The following GLI3 variants were observed in gnomAD, a reference collection of about 807,000 sequenced individuals.
GLI3 encodes GLI family zinc finger 3, also known as transcription activator GLI3.
Under a neutral mutation model 100.8 loss-of-function variants are expected in GLI3, and 20 were observed. The ratio of observed to expected loss-of-function variants is 0.20; its 90% CI spans 0.14 to 0.29. The LOEUF (loss-of-function observed/expected upper bound fraction) is 0.29. Ranked by LOEUF, GLI3 falls within the 10% of genes least tolerant of loss-of-function variation. GLI3 has a pLI of 1.00. For missense variants in GLI3, 2,040 were observed against 2,128.5 expected (o/e 0.96, Z 0.82); for synonymous variants, 938 against 860.5 (o/e 1.09, Z -1.58).
chr7:42,188,921 T>A (rs1787772421), intron 2 of GLI3, among the ~76,000 whole-genome samples: 1 of 152,136 alleles, frequency 6.6e-6, no homozygotes, highest in Admixed American at 6.5e-5. Context: ...CAGATACACA[T>A]CACTATCCAT....
chr7:42,220,200 G>C (rs1340257247), intron 2 of GLI3, among the ~76,000 whole-genome samples: 1 of 152,144 alleles, frequency 6.6e-6, no homozygotes, highest in East Asian at 1.9e-4. Context: ...ATATAGTTCA[G>C]GGCTTTGTTA....
At chr7:42,222,219 C>T (rs1037199928) in intron 2 of GLI3, among the ~76,000 whole-genome samples, 5 of 152,208 alleles carry the variant, frequency 3.3e-5, no homozygotes, top group Non-Finnish European at 5.9e-5. Context: ...TAAAACCTGT[C>T]TTGGAATATA....
chr7:42,213,535 C>T (rs1221122645), intron 2 of GLI3, among the ~76,000 whole-genome samples: 5 of 152,064 alleles, frequency 3.3e-5, no homozygotes, highest in Non-Finnish European at 5.9e-5. Flanking sequence ...GTCATATCAT[C>T]GACACTGTTA....
chr7:42,073,340 A>G (rs1784819390), intron 4 of GLI3, among the ~76,000 whole-genome samples: 1 of 152,166 alleles, frequency 6.6e-6, no homozygotes, highest in Non-Finnish European at 1.5e-5. Flanking sequence ...ACACAAACTG[A>G]CGTATTTCCG....
Position 42,086,841 on chromosome 7 carries a change from C to A in GLI3, c.368-9984G>T, listed in dbSNP as rs748926678. Reference sequence around the variant, plus strand: ...TCCTCCCCACTGCCTTGCCCTCTGACGGCCCTGTGCTCATCCTCAGTGCGC... The same window carrying A: ...TCCTCCCCACTGCCTTGCCCTCTGAAGGCCCTGTGCTCATCCTCAGTGCGC... On this transcript the variant is annotated intron_variant, in intron 3 of 14. Transcript: ENST00000395925. 3.3e-5 allele frequency among the ~76,000 whole-genome samples: 5 copies of A among 152,160 alleles called. 1 individual carries two copies. Among genetic ancestry groups the A allele is most frequent in the African/African-American group, 4.8e-5 (2 of 41,426 alleles).
chr7:42,246,825 T>C (rs1357239407), intron 1 of GLI3, among the ~76,000 whole-genome samples: 1 of 95,064 alleles, frequency 1.1e-5, no homozygotes, highest in African/African-American at 3.3e-5. Flanking sequence ...TTTTTTTTTT[T>C]TTTTTTTTTG....
chr7:42,150,362 A>G (rs995642241), intron 2 of GLI3, among the ~76,000 whole-genome samples: 1 of 152,200 alleles, frequency 6.6e-6, no homozygotes, highest in African/African-American at 2.4e-5. Context: ...CTTGTACTTC[A>G]TTAGCAGAAA....
In GLI3 at chr7:42,148,274, T is replaced by C. The variant is rs774858780; in HGVS notation, c.319A>G (p.Thr107Ala). 3 of 1,612,620 alleles carry C rather than the reference T, an allele frequency of 1.9e-6. No homozygotes were observed. In the Admixed American group the frequency reaches 5.0e-5, roughly 27 times the overall value. Reference protein sequence around the residue: ...VAEPSVPYRGTVFAMDPRNGY... With the variant: ...VAEPSVPYRGAVFAMDPRNGY... ...TTCCTGGGGTCCATGGCAAACACCG[T>C]CCCGCGGTACGGCACAGAGGGCTCC... is the stretch of plus-strand genomic sequence containing the variant. The change falls in exon 3 of 15, where the codon ACG (threonine) becomes GCG (alanine). Residue 107 changes from threonine to alanine, a missense_variant. By Grantham distance (58) the Thr-to-Ala change is moderately conservative (BLOSUM62 0). Coordinates refer to ENST00000395925, the MANE Select transcript of GLI3 (RefSeq NM_000168.6).
At chr7:42,230,101 G>T (rs58946834) in intron 1 of GLI3, among the ~76,000 whole-genome samples, 7 of 41,582 alleles carry the variant, frequency 1.7e-4, no homozygotes, top group Non-Finnish European at 3.9e-4. Context: ...GGTTGGGCGG[G>T]GGGGGGGGGG....
chr7:41,965,242 T>A lies in GLI3; in HGVS notation c.3831A>T (p.Gln1277His). ...TGGGGGTGCTCTTCAGCTTTGAGGC[T>A]TGAATCCCGGCACCACAGGCACCGT... is the stretch of plus-strand genomic sequence containing the variant. ...ALDGACGAGIQASKLKSTPMQ... is the reference protein window; with the variant it reads ...ALDGACGAGIHASKLKSTPMQ... Residue 1277 changes from glutamine to histidine, a missense_variant, in exon 15 of 15, where the codon CAA becomes CAT. Around this residue, in one of 5 missense-constraint regions of GLI3, gnomAD observed 1,041 missense variants for 924.0 expected, o/e 1.13. Transcript: ENST00000395925. 6.2e-7 allele frequency: 1 copy of A among 1,613,814 alleles called. No individual in the cohort carries two copies. The highest frequency in any genetic ancestry group is 8.5e-7 in the Non-Finnish European group (1 of 1,179,876).
rs776625548 is a variant in GLI3 at position 42,045,375 on chromosome 7, G to C, written c.826+9C>G. 2 of 1,612,912 alleles carry C rather than the reference G, an allele frequency of 1.2e-6. No homozygotes were observed. The highest frequency in any genetic ancestry group is 8.5e-7 in the Non-Finnish European group (1 of 1,178,940). ...TCCCAAGACTCTAGAAACCAGCCCCGTCACTTACTATCCATAGCATGAAGA... is the reference window on the plus strand; with the variant it reads ...TCCCAAGACTCTAGAAACCAGCCCCCTCACTTACTATCCATAGCATGAAGA... On this transcript the variant is annotated intron_variant, in intron 6 of 14. Transcript: ENST00000395925.
intron 4 of GLI3, among the ~76,000 whole-genome samples, chr7:42,058,391 A>C (rs1784504158): frequency 6.6e-6 from 1 of 152,206 alleles, no homozygotes; most frequent in South Asian, 2.1e-4. Context: ...CTTTCTCTGT[A>C]TTATTCATCA....
intron 10 of GLI3, among the ~76,000 whole-genome samples, chr7:42,004,925 A>G (rs1409679963): frequency 1.3e-5 from 2 of 152,218 alleles, no homozygotes; most frequent in Non-Finnish European, 2.9e-5. Flanking sequence ...TTTAAAAATT[A>G]TATCTGAAAG....
At chr7:41,968,705 GAAAGAAAGAAGA>G (rs1410051549) in intron 13 of GLI3, among the ~76,000 whole-genome samples, 1 of 106,298 alleles carries the variant, frequency 9.4e-6, no homozygotes, top group South Asian at 3.1e-4. Context: ...AAGAAAGAAA[GAAAGAAAGAAGA>G]AAGAAAGAAA....
intron 2 of GLI3, among the ~76,000 whole-genome samples, chr7:42,201,305 T>C (rs937145997): frequency 2.0e-5 from 3 of 152,114 alleles, no homozygotes; most frequent in Admixed American, 6.5e-5. Context: ...ACCTCAGAAA[T>C]AGAAACCTTG....
intron 2 of GLI3, among the ~76,000 whole-genome samples, chr7:42,222,504 T>A (rs528161168): frequency 6.6e-6 from 1 of 152,216 alleles, no homozygotes; most frequent in Non-Finnish European, 1.5e-5. Context: ...CAACACTCCA[T>A]GCTTGAACTG....
chr7:42,090,645 A>G (rs1331996375), intron 3 of GLI3, among the ~76,000 whole-genome samples: 1 of 152,168 alleles, frequency 6.6e-6, no homozygotes, highest in Non-Finnish European at 1.5e-5. Context: ...AGAGTCCTCC[A>G]TATCTCTGTC....
intron 4 of GLI3, among the ~76,000 whole-genome samples, chr7:42,069,000 CAAAG>C (rs1438523378): frequency 6.6e-6 from 1 of 152,090 alleles, no homozygotes; most frequent in Non-Finnish European, 1.5e-5. Flanking sequence ...GCATTGTACT[CAAAG>C]AAAAAAGTCT....
At chr7:42,108,324 A>T (rs1785624317) in intron 3 of GLI3, among the ~76,000 whole-genome samples, 1 of 152,198 alleles carries the variant, frequency 6.6e-6, no homozygotes, top group Non-Finnish European at 1.5e-5. Context: ...ATTAAAAATG[A>T]TATGTTATGC....
Sources: allele counts gnomAD v4.1 joint callset (sites outside exome capture counted in the v4.1 genomes callset), GRCh38; gene constraint gnomAD v4.1.1; regional missense constraint gnomAD v4.1.1; transcripts MANE v1.5; gene names NCBI Gene and HGNC (gene_info 2026-07-23, HGNC 2026-07-21).